ARHGEF7: variants seen among roughly 807,000 people sequenced by gnomAD.
ARHGEF7 encodes Rho guanine nucleotide exchange factor 7.
In ARHGEF7, 33 loss-of-function variants were observed where a neutral mutation model predicts 109.8. The ratio of observed to expected loss-of-function variants is 0.30; its 90% CI spans 0.23 to 0.40. The LOEUF (loss-of-function observed/expected upper bound fraction) is 0.40, where lower values mean the gene tolerates loss of function less well. ARHGEF7 is among the 10% of genes least tolerant of loss of function. The pLI is 1.00. For missense variants in ARHGEF7, 938 were observed against 1,098.5 expected (o/e 0.85, Z 2.07); for synonymous variants, 458 against 424.6 (o/e 1.08, Z -0.97).
chr13:111,153,512 C>A (rs534464542), intron 1 of ARHGEF7: 1 of 581,352 alleles, frequency 1.7e-6, no homozygotes, highest in Non-Finnish European at 2.2e-6. Flanking sequence ...CTCTACCGGA[C>A]CGAGGCCCAG....
chr13:111,287,462 G>A (rs546077373), intron 17 of ARHGEF7, among the ~76,000 whole-genome samples: 147 of 152,378 alleles, frequency 9.6e-4, no homozygotes, highest in African/African-American at 3.4e-3. Flanking sequence ...TGGGCTGGGT[G>A]GGAAGGATAC....
chr13:111,161,691 A>G (rs1332697657), intron 2 of ARHGEF7, among the ~76,000 whole-genome samples: 7 of 152,204 alleles, frequency 4.6e-5, no homozygotes, highest in African/African-American at 1.7e-4. Context: ...AAGCTGTATA[A>G]TGCTACCGTT....
chr13:111,247,339 G>C (rs1332588557), intron 8 of ARHGEF7, among the ~76,000 whole-genome samples: 1 of 151,552 alleles, frequency 6.6e-6, no homozygotes, highest in Admixed American at 6.6e-5. Flanking sequence ...TGCGATCTCA[G>C]CTCACTGCAA....
At chr13:111,285,279 C>G (rs1383361457) in intron 16 of ARHGEF7, among the ~76,000 whole-genome samples, 1 of 152,152 alleles carries the variant, frequency 6.6e-6, no homozygotes, top group African/African-American at 2.4e-5. Context: ...TTTTAAAAAC[C>G]AAGCTTTGTT....
intron 2 of ARHGEF7, among the ~76,000 whole-genome samples, chr13:111,196,170 G>A (rs947661591): frequency 1.3e-5 from 2 of 152,198 alleles, no homozygotes; most frequent in Non-Finnish European, 2.9e-5. Context: ...AGACATCATT[G>A]AATAATTAAT....
At chr13:111,135,212 A>G (rs1459221710) in intron 1 of ARHGEF7, among the ~76,000 whole-genome samples, 1 of 152,126 alleles carries the variant, frequency 6.6e-6, no homozygotes, top group African/African-American at 2.4e-5. Flanking sequence ...GCCTTGTAGT[A>G]TAGTTTGAAG....
intron 3 of ARHGEF7, among the ~76,000 whole-genome samples, chr13:111,206,233 AG>A (rs573568310): frequency 4.1e-5 from 6 of 147,270 alleles, no homozygotes; most frequent in African/African-American, 1.3e-4. Context: ...GGCCCTTCAG[AG>A]GGGGGGGTGT....
At chr13:111,199,943 C>CT in intron 2 of ARHGEF7, among the ~76,000 whole-genome samples, 1 of 152,292 alleles carries the variant, frequency 6.6e-6, no homozygotes, top group Non-Finnish European at 1.5e-5. Flanking sequence ...ACCCCTCTTC[C>CT]TTTTTTCTGC....
intron 18 of ARHGEF7, among the ~76,000 whole-genome samples, chr13:111,290,193 C>T (rs2093216994): frequency 6.6e-6 from 1 of 152,140 alleles, no homozygotes; most frequent in Non-Finnish European, 1.5e-5. Context: ...ACCAAGTAGT[C>T]TTAGATGAAC....
intron 1 of ARHGEF7, among the ~76,000 whole-genome samples, chr13:111,126,205 T>C (rs1028927954): frequency 6.6e-6 from 1 of 152,178 alleles, no homozygotes; most frequent in South Asian, 2.1e-4. Flanking sequence ...AAAATAGGCT[T>C]TAAGGCTGGG....
intron 1 of ARHGEF7, among the ~76,000 whole-genome samples, chr13:111,150,736 C>T (rs901774549): frequency 1.3e-5 from 2 of 152,178 alleles, no homozygotes; most frequent in African/African-American, 4.8e-5. Context: ...ATAAAGTTCC[C>T]TCGTGTAGTG....
At chr13:111,208,436 T>C (rs1192383124) in intron 3 of ARHGEF7, among the ~76,000 whole-genome samples, 6 of 152,204 alleles carry the variant, frequency 3.9e-5, no homozygotes, top group Non-Finnish European at 5.9e-5. Flanking sequence ...AAATTGTCAT[T>C]GTCTTTCTGC....
intron 2 of ARHGEF7, among the ~76,000 whole-genome samples, chr13:111,164,461 G>A (rs976287783): frequency 1.3e-5 from 2 of 152,228 alleles, no homozygotes; most frequent in African/African-American, 4.8e-5. Flanking sequence ...GGCCTGCCTC[G>A]TGGGTGTGCG....
At chr13:111,130,977 C>G (rs549348788) in intron 1 of ARHGEF7, among the ~76,000 whole-genome samples, 1 of 152,260 alleles carries the variant, frequency 6.6e-6, no homozygotes. Flanking sequence ...CGAGGGGACG[C>G]GGAGAGACAG....
At chr13:111,296,090 A>G (rs887975190) in intron 19 of ARHGEF7, among the ~76,000 whole-genome samples, 1 of 152,212 alleles carries the variant, frequency 6.6e-6, no homozygotes, top group African/African-American at 2.4e-5. Flanking sequence ...TCTAACAGCC[A>G]AGCGTGGTGG....
At chr13:111,223,620 T>A (rs776752062) in intron 5 of ARHGEF7, among the ~76,000 whole-genome samples, 3 of 152,188 alleles carry the variant, frequency 2.0e-5, no homozygotes, top group Non-Finnish European at 2.9e-5. Context: ...AGGTTCACCG[T>A]TGTGTTGGTG....
chr13:111,269,396 G>T lies in ARHGEF7; in HGVS notation c.1073+1726G>T, dbSNP rs3783086. 7.2e-4 allele frequency among the ~76,000 whole-genome samples: 110 copies of T among 152,332 alleles called. 1 individual carries two copies. In the East Asian group the frequency reaches 0.013, roughly 19 times the overall value. ...ACATTGAAAGTCACTAGGACTGTTA[G>T]TTTCCTAAAATGCGAAGCCATTCAA... is the stretch of plus-strand genomic sequence containing the variant. On this transcript the variant is annotated intron_variant, in intron 9 of 21. Coordinates refer to ENST00000646102, the MANE Select transcript of ARHGEF7 (RefSeq NM_001354046.2).
At chr13:111,190,978 GAGAAAAAACTGTTTTGTATCT>G (rs996150682) in intron 2 of ARHGEF7, among the ~76,000 whole-genome samples, 1 of 152,108 alleles carries the variant, frequency 6.6e-6, no homozygotes, top group African/African-American at 2.4e-5. Flanking sequence ...TTTCCCATTG[GAGAAAAAACTGTTTTGTATCT>G]ACTAGGAACC....
chr13:111,233,191 C>G lies in ARHGEF7; in HGVS notation c.671-14C>G. On this transcript the variant is annotated splice_polypyrimidine_tract_variant and intron_variant, in intron 5 of 21. Transcript: ENST00000646102. ...AGTACTGATCAGTAAAACTATGTTA[C>G]ATTTTCATTTCAGAGAAGCCTGTGT... 1.2e-6 allele frequency: 2 copies of G among 1,608,324 alleles called. No individual in the cohort carries two copies. The highest frequency in any genetic ancestry group is 1.7e-6 in the Non-Finnish European group (2 of 1,174,746).
Sources: gnomAD v4.1 joint callset for allele counts (sites outside exome capture counted in the v4.1 genomes callset) on GRCh38, gnomAD v4.1.1 for gene constraint, MANE v1.5 for transcripts, NCBI Gene and HGNC (gene_info 2026-07-23, HGNC 2026-07-21) for gene names.